The following RAP1GAP variants were observed in gnomAD, a reference collection of about 807,000 sequenced individuals.
The protein encoded by RAP1GAP is RAP1 GTPase activating protein.
In RAP1GAP, 35 loss-of-function variants were observed where a neutral mutation model predicts 87.2. The observed-to-expected ratio is 0.40, with a 90% CI of 0.31 to 0.53. RAP1GAP has a LOEUF of 0.53. RAP1GAP is among the 20% of genes least tolerant of loss of function. The pLI is 0.48. For synonymous variants in RAP1GAP, 375 were observed against 363.9 expected (o/e 1.03, Z -0.35); for missense variants, 734 against 898.9 (o/e 0.82, Z 2.35).
At chr1:21,632,145 G>A (rs1303178644) in intron 2 of RAP1GAP, among the ~76,000 whole-genome samples, 1 of 152,180 alleles carries the variant, frequency 6.6e-6, no homozygotes, top group African/African-American at 2.4e-5. Context: ...GTGTCTGTGT[G>A]GCAGCTATCT....
chr1:21,657,338 A>T lies in RAP1GAP; in HGVS notation c.-148-7542T>A, dbSNP rs117018256. The stretch of plus-strand genomic sequence containing the variant: ...ACATGCATGTAAATACACACTGATG[A>T]CAGCACATACAGGCACAGGAATCTC... On this transcript the variant is annotated intron_variant, in intron 1 of 24. Transcript: ENST00000374765. Among the ~76,000 whole-genome samples, 238 of 152,346 alleles carry T rather than the reference A, an allele frequency of 1.6e-3. 2 individuals are homozygous for T. In the East Asian group the frequency reaches 0.039, roughly 25 times the overall value.
At chr1:21,635,088 G>A (rs12045276) in intron 2 of RAP1GAP, among the ~76,000 whole-genome samples, 22,493 of 152,172 alleles carry the variant, frequency 0.15, 1,944 homozygotes, top group East Asian at 0.28. Flanking sequence ...GGATGGAGAT[G>A]GTGACTTCCA....
In RAP1GAP at chr1:21,626,398, C is replaced by G; in HGVS notation, c.-112-1G>C. The G allele has an allele frequency of 6.2e-7, 1 of 1,610,526 alleles. No homozygotes were observed. Among genetic ancestry groups the G allele is most frequent in the South Asian group, 1.1e-5 (1 of 91,042 alleles). On this transcript the variant is annotated splice_acceptor_variant, in intron 2 of 24. Transcript: ENST00000374765. LOFTEE classifies it low-confidence loss of function (5UTR_SPLICE). ...GTGCTGGTTCTGCCCATCGCTCCTC[C>G]TGGAAGAGAAAGAGTCTGAGGTCAG...
At chr1:21,645,196 C>T (rs2095918562) in intron 2 of RAP1GAP, among the ~76,000 whole-genome samples, 1 of 152,202 alleles carries the variant, frequency 6.6e-6, no homozygotes, top group Non-Finnish European at 1.5e-5. Context: ...ATGACCACAG[C>T]TCTATCGCTC....
At chr1:21,637,047 G>A (rs1259538086) in intron 2 of RAP1GAP, among the ~76,000 whole-genome samples, 1 of 151,910 alleles carries the variant, frequency 6.6e-6, no homozygotes, top group Non-Finnish European at 1.5e-5. Context: ...TCTCAGAGGT[G>A]CAGCCAGGGA....
rs551430301 is a variant in RAP1GAP, at chr1:21,667,132, A to C, written c.-149+2122T>G. ...ATGCGGCTGCTCAGCAGCCTCTGAC[A>C]GCCAGGACAAAGGCCTCCGTAGACA... On this transcript the variant is annotated intron_variant, in intron 1 of 24. Coordinates refer to ENST00000374765, the MANE Select transcript of RAP1GAP (RefSeq NM_002885.4). Among the ~76,000 whole-genome samples, 404 of 152,316 alleles carry C rather than the reference A, an allele frequency of 2.7e-3. 3 individuals are homozygous for C. Among genetic ancestry groups the C allele is most frequent in the Non-Finnish European group, 4.3e-3 (290 of 68,018 alleles).
At chr1:21,649,852 G>C in intron 1 of RAP1GAP, 56 bp from the exon 2 acceptor site, 1 of 1,523,898 alleles carries the variant, frequency 6.6e-7, no homozygotes, top group Non-Finnish European at 8.9e-7. Context: ...CACCAGCTTG[G>C]CCCAGCATAT....
chr1:21,646,671 T>C (rs2096079516), intron 2 of RAP1GAP, among the ~76,000 whole-genome samples: 1 of 152,198 alleles, frequency 6.6e-6, no homozygotes, highest in Non-Finnish European at 1.5e-5. Context: ...CTTGCACAAG[T>C]CCACTTGACC....
At chr1:21,649,051 A>G (rs1009380716) in intron 2 of RAP1GAP, among the ~76,000 whole-genome samples, 2 of 152,146 alleles carry the variant, frequency 1.3e-5, no homozygotes, top group Non-Finnish European at 2.9e-5. Flanking sequence ...CAGCAGCAGG[A>G]GCAGCCAGCC....
chr1:21,603,483 G>T lies in RAP1GAP; in HGVS notation c.1429-570C>A. On this transcript the variant is annotated intron_variant, in intron 18 of 24. Coordinates refer to ENST00000374765, the MANE Select transcript of RAP1GAP (RefSeq NM_002885.4). The surrounding 1 kb of genome is among the most constrained non-coding windows in gnomAD (Gnocchi z 6.0). ...CCAGGTCACTTCGTGGCGGGGAGGA[G>T]GAGTCAGGGCAGAGGAGAGGGATGG... 3.4e-6 allele frequency: 2 copies of T among 589,082 alleles called. No homozygotes were observed. The highest frequency in any genetic ancestry group is 6.1e-6 in the Non-Finnish European group (2 of 328,922). 36.5% of individuals were successfully genotyped at this position (589,082 alleles called of 1,614,324 possible). A position where few individuals can be genotyped will look rare whatever the true frequency, so the allele number is the denominator to read the frequency against.
chr1:21,620,369 G>A (rs147267708), intron 3 of RAP1GAP, among the ~76,000 whole-genome samples: 2,303 of 152,308 alleles, frequency 0.015, 68 homozygotes, highest in African/African-American at 0.051. Context: ...CTGCAGAGAT[G>A]AGCCCATCCT....
At position 21,611,739 on chromosome 1, in the gene RAP1GAP, C is replaced by T; in HGVS notation, c.690G>A (p.Lys230=). Residue 230 remains lysine (K), a synonymous_variant, in exon 12 of 25, where the codon AAG becomes AAA. Coordinates refer to ENST00000374765, the MANE Select transcript of RAP1GAP (RefSeq NM_002885.4). The part of the protein sequence containing the change: ...FVEFLEFLGQ[K]VKLQDFKGFR... ...ACCCCTTAAAGTCCTGCAGTTTGAC[C>T]TTCTGGCCAAGAAATTCAAGGAACT... The T allele has an allele frequency of 1.2e-6, 2 of 1,613,772 alleles. No individual in the cohort carries two copies. The highest frequency in any genetic ancestry group is 1.7e-6 in the Non-Finnish European group (2 of 1,179,634).
At chr1:21,664,062 G>C (rs923735006) in intron 1 of RAP1GAP, among the ~76,000 whole-genome samples, 1 of 152,188 alleles carries the variant, frequency 6.6e-6, no homozygotes, top group Non-Finnish European at 1.5e-5. Flanking sequence ...GAGGCCGGGC[G>C]GCTTGCCTGA....
rs893579820 is a variant in RAP1GAP at position 21,603,180 on chromosome 1, A to C, written c.1429-267T>G. The C allele has an allele frequency of 5.6e-5, 26 of 463,486 alleles. No individual in the cohort carries two copies. The highest frequency in any genetic ancestry group is 5.1e-4 in the African/African-American group (26 of 50,660). 28.7% of individuals were successfully genotyped at this position (463,486 alleles called of 1,614,324 possible). On this transcript the variant is annotated intron_variant, in intron 18 of 24. Coordinates refer to ENST00000374765, the MANE Select transcript of RAP1GAP (RefSeq NM_002885.4). This position sits in a 1 kb window ranked among gnomAD's most constrained non-coding sequence, Gnocchi z 6.0. ...ATTAGGACAGCATCCTGAGGGGGCT[A>C]GGGTGGGAGGAGGCCGAGTCCTCAG... is the stretch of plus-strand genomic sequence containing the variant.
chr1:21,641,519 C>G (rs2095521640), intron 2 of RAP1GAP, among the ~76,000 whole-genome samples: 1 of 152,226 alleles, frequency 6.6e-6, no homozygotes, highest in African/African-American at 2.4e-5. Context: ...CCTTAGCTGT[C>G]TGTCTCCTGC....
In RAP1GAP at chr1:21,622,431, C is replaced by A; in HGVS notation, c.-18-2381G>T. 3.7e-6 allele frequency: 1 copy of A among 271,452 alleles called. No homozygotes were observed. The highest frequency in any genetic ancestry group is 1.6e-4 in the South Asian group (1 of 6,434). 16.8% of individuals were successfully genotyped at this position (271,452 alleles called of 1,614,324 possible). ...TGTGCCATCCTGAGCGCGGCCCGGC[C>A]CGGCCCCCGCCGGGGCGGCACTTCA... On this transcript the variant is annotated intron_variant, in intron 3 of 24. Coordinates refer to ENST00000374765, the MANE Select transcript of RAP1GAP (RefSeq NM_002885.4). This position sits in a 1 kb window ranked among gnomAD's most constrained non-coding sequence, Gnocchi z 5.7.
At chr1:21,642,076 A>G (rs1296516464) in intron 2 of RAP1GAP, among the ~76,000 whole-genome samples, 1 of 152,080 alleles carries the variant, frequency 6.6e-6, no homozygotes, top group Non-Finnish European at 1.5e-5. Flanking sequence ...AAGGTGACGG[A>G]CTCCTCAAGG....
At chr1:21,610,342 CGG>C (rs2149296701) in intron 13 of RAP1GAP, 67 bp from the exon 14 acceptor site, 1 of 1,575,976 alleles carries the variant, frequency 6.3e-7, no homozygotes, top group East Asian at 2.3e-5. Context: ...GGGGTGCCCA[CGG>C]GGGTTTAGGA....
At chr1:21,649,863 C>G in intron 1 of RAP1GAP, 67 bp from the exon 2 acceptor site, 1 of 1,473,092 alleles carries the variant, frequency 6.8e-7, no homozygotes, top group Admixed American at 2.0e-5. Context: ...CCCAGCATAT[C>G]ACACCCACCT....
Sources: gnomAD v4.1 joint callset for allele counts (sites outside exome capture counted in the v4.1 genomes callset) on GRCh38, gnomAD v4.1.1 for gene constraint, Gnocchi (gnomAD v3.1) non-coding constraint, MANE v1.5 for transcripts, NCBI Gene and HGNC (gene_info 2026-07-23, HGNC 2026-07-21) for gene names.